TBCEL: variants seen among roughly 807,000 people sequenced by gnomAD.
TBCEL encodes the protein tubulin folding cofactor E like, also known as tubulin-specific chaperone cofactor E-like protein.
TBCEL carries 15 observed loss-of-function variants against 44.2 expected under a neutral mutation model. The observed-to-expected ratio is 0.34, with a 90% CI of 0.23 to 0.52. TBCEL has a LOEUF of 0.52. Among genes scored for constraint, TBCEL ranks in the 20% least tolerant of loss-of-function variants. The pLI, the probability that TBCEL is intolerant of heterozygous loss-of-function variation, is 0.95. For missense variants in TBCEL, 319 were observed against 506.3 expected, an observed-to-expected ratio of 0.63 and a Z score of 3.55; for synonymous variants, 171 against 185.4, an observed-to-expected ratio of 0.92 and a Z score of 0.63.
At chr11:121,043,237 T>G (rs1376766928) in intron 2 of TBCEL, among the ~76,000 whole-genome samples, 1 of 152,186 alleles carries the variant, frequency 6.6e-6, no homozygotes, top group Non-Finnish European at 1.5e-5. Context: ...GCGATTTTAA[T>G]ACTCGGCAAC....
At chr11:121,035,493 C>T (rs532416252) in intron 1 of TBCEL, 1 of 149,270 alleles carries the variant, frequency 6.7e-6, no homozygotes, top group Admixed American at 6.6e-5. Context: ...TTTTAATGAC[C>T]TGCAGACTTT....
chr11:121,043,556 G>A (rs954819698), intron 2 of TBCEL, among the ~76,000 whole-genome samples: 10 of 152,078 alleles, frequency 6.6e-5, no homozygotes, highest in African/African-American at 2.2e-4. Context: ...GAAAAAGTAC[G>A]GGTGGTGATT....
At position 121,065,670 on chromosome 11, in the gene TBCEL, A is replaced by G. The variant is rs545379397; in HGVS notation, c.956+5585A>G. On this transcript the variant is annotated intron_variant, in intron 8 of 8. Transcript: ENST00000683345. ...TAGTTTATGGGGATTTGACCTTAAC[A>G]TTTTCTGTATTTAAGCTATCTTGTA... is the stretch of plus-strand genomic sequence containing the variant. Among the ~76,000 whole-genome samples the G allele has an allele frequency of 7.2e-5, 11 of 152,260 alleles. No individual in the cohort carries two copies. The East Asian group carries it at 1.7e-3, about 24-fold the overall frequency.
At chr11:121,073,129 G>T (rs905158951) in intron 8 of TBCEL, among the ~76,000 whole-genome samples, 3 of 151,800 alleles carry the variant, frequency 2.0e-5, no homozygotes, top group Non-Finnish European at 4.4e-5. Flanking sequence ...AATTATTGTA[G>T]GCCCTTTTCT....
chr11:121,089,767 TTA>T lies in TBCEL; in HGVS notation c.*2673_*2674del, dbSNP rs1376692503. 6.6e-6 allele frequency: 1 copy of T among 152,198 alleles called. No individual in the cohort carries two copies. Among genetic ancestry groups the T allele is most frequent in the East Asian group, 1.9e-4 (1 of 5,202 alleles). The allele number at this position is 152,198 out of a possible 1,614,324, so 9.4% of individuals were successfully genotyped here. A position where few individuals can be genotyped will look rare whatever the true frequency, so the allele number is the denominator to read the frequency against. ...ATTCAGTGAGAACATAGTATTGACA[TTA>T]TGAGGCAAAATGCTGTCATAGCCAG... On this transcript the variant is annotated 3_prime_UTR_variant, in exon 9 of 9. Transcript: ENST00000683345.
intron 8 of TBCEL, among the ~76,000 whole-genome samples, chr11:121,063,954 AC>A (rs1159471102): frequency 1.3e-5 from 2 of 152,018 alleles, no homozygotes; most frequent in Non-Finnish European, 2.9e-5. Flanking sequence ...CTCGTATATT[AC>A]CCCTCTTGTA....
chr11:121,053,412 T>C (rs969292493), intron 4 of TBCEL, 139 bp from the exon 5 acceptor site: 1 of 695,954 alleles, frequency 1.4e-6, no homozygotes, highest in South Asian at 1.9e-5. Flanking sequence ...CCTCTGTGAG[T>C]ACCGTCACTA....
chr11:121,053,799 C>T (rs1945570743), intron 5 of TBCEL, 67 bp downstream of exon 5: 1 of 1,482,866 alleles, frequency 6.7e-7, no homozygotes, highest in South Asian at 1.3e-5. Context: ...AGGAGTACTG[C>T]TGATCTCCCA....
chr11:121,033,621 C>G (rs985167481), intron 1 of TBCEL, among the ~76,000 whole-genome samples: 5 of 152,098 alleles, frequency 3.3e-5, no homozygotes, highest in African/African-American at 1.2e-4. Context: ...ACACTATATT[C>G]CTGTATTTTT....
chr11:121,044,785 T>G (rs1038083614), intron 2 of TBCEL, among the ~76,000 whole-genome samples: 5 of 152,126 alleles, frequency 3.3e-5, no homozygotes, highest in African/African-American at 1.2e-4. Flanking sequence ...GTTTGGACCC[T>G]TAGCTGATGC....
intron 5 of TBCEL, among the ~76,000 whole-genome samples, chr11:121,054,417 A>G (rs1945583762): frequency 1.3e-5 from 2 of 151,892 alleles, no homozygotes; most frequent in Admixed American, 1.3e-4. Flanking sequence ...CCCAACACCC[A>G]GCATGGCAGA....
At chr11:121,076,946 G>A (rs1260231096) in intron 8 of TBCEL, among the ~76,000 whole-genome samples, 1 of 151,914 alleles carries the variant, frequency 6.6e-6, no homozygotes, top group Non-Finnish European at 1.5e-5. Flanking sequence ...TATCAATATA[G>A]TGAATTATAT....
rs1328247324 is a variant in TBCEL at position 121,036,613 on chromosome 11, G to A, written c.-18+1G>A. The A allele has an allele frequency of 1.3e-5, 2 of 152,098 alleles. No individual in the cohort carries two copies. The highest frequency in any genetic ancestry group is 4.8e-5 in the African/African-American group (2 of 41,408). The allele number at this position is 152,098 out of a possible 1,614,324, so 9.4% of individuals were successfully genotyped here. A position where few individuals can be genotyped will look rare whatever the true frequency, so the allele number is the denominator to read the frequency against. On this transcript the variant is annotated splice_donor_variant, in intron 2 of 8. Transcript: ENST00000683345. LOFTEE classifies it low-confidence loss of function (5UTR_SPLICE). ...GTGTTTAGAAATATCACACAAACAG[G>A]TACTTCAGTCTAAATAGTAGTATTG...
At position 121,060,019 on chromosome 11, in the gene TBCEL, G is replaced by A. The variant is rs1565500087; in HGVS notation, c.890G>A (p.Arg297Gln). ...LNGSVVTDGE[R>Q]EDSERFFIRY... is the part of the protein sequence containing the mutation. Reference sequence around the variant, plus strand: ...GGCAGCGTTGTTACTGATGGTGAACGAGAAGATTCTGAGAGATTTTTTATT... The same window carrying A: ...GGCAGCGTTGTTACTGATGGTGAACAAGAAGATTCTGAGAGATTTTTTATT... The change falls in exon 8 of 9, where the codon CGA (arginine) becomes CAA (glutamine). Residue 297 changes from arginine (R) to glutamine (Q), a missense_variant. Physicochemically the swap from Arg to Gln is conservative, Grantham distance 43. Coordinates refer to ENST00000683345, the MANE Select transcript of TBCEL (RefSeq NM_001363644.2). 6.2e-7 allele frequency: 1 copy of A among 1,611,478 alleles called. No individual in the cohort carries two copies. The highest frequency in any genetic ancestry group is 8.5e-7 in the Non-Finnish European group (1 of 1,178,458).
chr11:121,047,753 T>A, intron 4 of TBCEL, 86 bp downstream of exon 4: 3 of 1,507,414 alleles, frequency 2.0e-6, no homozygotes, highest in Non-Finnish European at 2.7e-6. Context: ...TCTGCTAAAT[T>A]CTGTTCTCAC....
chr11:121,026,510 G>C (rs905563844), intron 1 of TBCEL, among the ~76,000 whole-genome samples: 1 of 152,094 alleles, frequency 6.6e-6, no homozygotes, highest in Non-Finnish European at 1.5e-5. Flanking sequence ...GGATGAGTTC[G>C]TATTATTTGT....
intron 2 of TBCEL, among the ~76,000 whole-genome samples, chr11:121,038,567 G>A (rs1945275788): frequency 6.6e-6 from 1 of 151,732 alleles, no homozygotes; most frequent in Non-Finnish European, 1.5e-5. Flanking sequence ...TTCACAAAGT[G>A]AAAATTTAAT....
chr11:121,031,836 T>C (rs986837477), intron 1 of TBCEL, among the ~76,000 whole-genome samples: 5 of 151,824 alleles, frequency 3.3e-5, no homozygotes, highest in Non-Finnish European at 5.9e-5. Context: ...GACTGATTTT[T>C]TTGTGGAGAT....
intron 8 of TBCEL, among the ~76,000 whole-genome samples, chr11:121,066,440 A>G (rs918821338): frequency 1.3e-5 from 2 of 152,118 alleles, no homozygotes; most frequent in Admixed American, 6.5e-5. Context: ...CATCTTACCT[A>G]TCTTTGGTTT....
Sources: gnomAD v4.1 joint callset for allele counts (sites outside exome capture counted in the v4.1 genomes callset) on GRCh38, gnomAD v4.1.1 for gene constraint, MANE v1.5 for transcripts, NCBI Gene and HGNC (gene_info 2026-07-23, HGNC 2026-07-21) for gene names.